The following TFCP2 variants were observed in gnomAD, a reference collection of about 807,000 sequenced individuals.
TFCP2 encodes the protein alpha-globin transcription factor CP2.
In TFCP2, 33 loss-of-function variants were observed where a neutral mutation model predicts 73.4. The ratio of observed to expected loss-of-function variants is 0.45; its 90% confidence interval spans 0.34 to 0.60. The LOEUF is 0.60. Ranked by LOEUF, TFCP2 falls within the 20% of genes least tolerant of loss-of-function variation. The pLI, the probability that TFCP2 is intolerant of heterozygous loss-of-function variation, is 0.01. For synonymous variants in TFCP2, 193 were observed against 211.6 expected, an observed-to-expected ratio of 0.91 and a Z score of 0.76; for missense variants, 352 against 604.0, an observed-to-expected ratio of 0.58 and a Z score of 4.37.
chr12:51,119,112 A>G (rs1485453627), intron 1 of TFCP2, among the ~76,000 whole-genome samples: 2 of 152,250 alleles, frequency 1.3e-5, no homozygotes, highest in African/African-American at 4.8e-5. Flanking sequence ...TCAGAAAGGC[A>G]ACAACTATAC....
intron 1 of TFCP2, among the ~76,000 whole-genome samples, chr12:51,119,373 T>TA (rs995254355): frequency 1.3e-5 from 2 of 152,224 alleles, no homozygotes; most frequent in African/African-American, 4.8e-5. Flanking sequence ...AGTGGGAATG[T>TA]AAAACCACAC....
chr12:51,122,754 T>C (rs370382104), intron 1 of TFCP2, among the ~76,000 whole-genome samples: 1 of 152,130 alleles, frequency 6.6e-6, no homozygotes, highest in Non-Finnish European at 1.5e-5. Context: ...TGTAGAAACA[T>C]AGAGTTTTCT....
intron 5 of TFCP2, among the ~76,000 whole-genome samples, chr12:51,109,714 AATT>A (rs767530616): frequency 0.031 from 2,613 of 83,928 alleles, 33 homozygotes; most frequent in Admixed American, 0.067. Flanking sequence ...AAGATTGGTG[AATT>A]TTTTTTTTTT....
At chr12:51,131,882 T>TA (rs1207907020) in intron 1 of TFCP2, among the ~76,000 whole-genome samples, 1 of 152,190 alleles carries the variant, frequency 6.6e-6, no homozygotes, top group African/African-American at 2.4e-5. Context: ...CAGCAGTAAA[T>TA]AATTGGTATA....
chr12:51,127,513 T>C (rs1940841570), intron 1 of TFCP2, among the ~76,000 whole-genome samples: 1 of 152,154 alleles, frequency 6.6e-6, no homozygotes. Flanking sequence ...AGAAGGAAGC[T>C]GAAGCTGAAG....
At chr12:51,169,546 A>G (rs1464355244) in intron 1 of TFCP2, among the ~76,000 whole-genome samples, 5 of 151,786 alleles carry the variant, frequency 3.3e-5, no homozygotes, top group Admixed American at 2.6e-4. Context: ...AGTACCTAAC[A>G]CATGAAAAAA....
At chr12:51,098,462 C>T (rs1352319152) in intron 13 of TFCP2, among the ~76,000 whole-genome samples, 1 of 106,188 alleles carries the variant, frequency 9.4e-6, no homozygotes, top group East Asian at 2.1e-4. Context: ...CCCATCTCTA[C>T]TAAAAATACA....
chr12:51,124,141 G>A (rs1425303299), intron 1 of TFCP2, among the ~76,000 whole-genome samples: 1 of 152,022 alleles, frequency 6.6e-6, no homozygotes, highest in Non-Finnish European at 1.5e-5. Context: ...TGTCACCCAG[G>A]ATGGGGTACA....
chr12:51,103,310 A>G (rs1378894095), intron 10 of TFCP2, among the ~76,000 whole-genome samples: 1 of 152,160 alleles, frequency 6.6e-6, no homozygotes, highest in Non-Finnish European at 1.5e-5. Flanking sequence ...AAGCTAAATA[A>G]AAGTGTATTG....
intron 1 of TFCP2, among the ~76,000 whole-genome samples, chr12:51,170,578 A>AC (rs1204202926): frequency 6.6e-6 from 1 of 150,510 alleles, no homozygotes; most frequent in South Asian, 2.1e-4. Context: ...TCCAGTCTCC[A>AC]CCCCCCAAAG....
chr12:51,122,679 T>C (rs1940713673), intron 1 of TFCP2, among the ~76,000 whole-genome samples: 1 of 152,236 alleles, frequency 6.6e-6, no homozygotes, highest in South Asian at 2.1e-4. Flanking sequence ...GGAATCCTTC[T>C]TCCTGTCCAT....
intron 1 of TFCP2, among the ~76,000 whole-genome samples, chr12:51,161,577 G>C (rs1372898033): frequency 2.0e-5 from 3 of 151,640 alleles, no homozygotes; most frequent in Middle Eastern, 3.4e-3. Flanking sequence ...CTATTCAGGA[G>C]GCTGAGACAG....
Position 51,107,279 on chromosome 12 carries a change from T to G in TFCP2, c.785A>C (p.Lys262Thr). 1 of 1,613,054 alleles carries G rather than the reference T, an allele frequency of 6.2e-7. No individual in the cohort carries two copies. Among genetic ancestry groups the G allele is most frequent in the Admixed American group, 1.7e-5 (1 of 59,678 alleles). The change falls in exon 7 of 15, where the codon AAG becomes ACG. Residue 262 changes from lysine (K) to threonine (T), a missense_variant. By Grantham distance (78) the Lys-to-Thr change is moderately conservative (BLOSUM62 -1). This residue lies in a region of TFCP2 where 47 missense variants were observed against 89.1 expected (regional missense o/e 0.53). Coordinates refer to ENST00000257915, the MANE Select transcript of TFCP2 (RefSeq NM_005653.5). ...CTCATAGGAAGGCTGATATTTCTCC[T>G]TTTCATGAGGTGTTCGTTTCTCCAT... ...EKMEKRTPHE[K>T]EKYQPSYETT...
chr12:51,157,686 C>CTTTTTTT (rs538061913), intron 1 of TFCP2, among the ~76,000 whole-genome samples: 31 of 96,086 alleles, frequency 3.2e-4, no homozygotes, highest in African/African-American at 1.0e-3. Flanking sequence ...CTTTTCTTTT[C>CTTTTTTT]TTTTTTTTTT....
chr12:51,133,921 CAAA>C (rs11320779), intron 1 of TFCP2, among the ~76,000 whole-genome samples: 7 of 97,042 alleles, frequency 7.2e-5, no homozygotes, highest in Non-Finnish European at 1.1e-4. Context: ...GACCCTGTCT[CAAA>C]AAAAAAAAAA....
Position 51,103,685 on chromosome 12 carries a change from A to G in TFCP2, c.1045T>C (p.Phe349Leu). 6.2e-7 allele frequency: 1 copy of G among 1,613,652 alleles called. No homozygotes were observed. Among genetic ancestry groups the G allele is most frequent in the Non-Finnish European group, 8.5e-7 (1 of 1,179,910 alleles). The change falls in exon 10 of 15, where the codon TTC becomes CTC. Residue 349 changes from phenylalanine (F) to leucine (L), a missense_variant. Coordinates refer to ENST00000257915, the MANE Select transcript of TFCP2 (RefSeq NM_005653.5). Reference sequence around the variant, plus strand: ...AAAATTTAACCTGAGAAGTTTGTGAAAAGCCTTGTGAATGTAGAAAAACGA... The same window carrying G: ...AAAATTTAACCTGAGAAGTTTGTGAGAAGCCTTGTGAATGTAGAAAAACGA... ...RNRFSTFTRL[F>L]TNFSGADLLK...
chr12:51,106,672 A>G (rs1214238732), intron 7 of TFCP2, 59 bp from the exon 8 acceptor site: 8 of 1,351,152 alleles, frequency 5.9e-6, no homozygotes, highest in Non-Finnish European at 1.0e-6. Flanking sequence ...GGATTTGACT[A>G]AAACATTGTT....
intron 1 of TFCP2, among the ~76,000 whole-genome samples, chr12:51,153,810 T>C (rs553083539): frequency 1.5e-4 from 23 of 152,368 alleles, no homozygotes; most frequent in African/African-American, 5.5e-4. Flanking sequence ...CTTCCACCTT[T>C]TGGCTGTTGT....
chr12:51,165,079 G>A (rs1941726505), intron 1 of TFCP2, among the ~76,000 whole-genome samples: 2 of 152,168 alleles, frequency 1.3e-5, no homozygotes. Flanking sequence ...TTCAGGCTGG[G>A]CATGGTGGCT....
Sources: allele counts gnomAD v4.1 joint callset (sites outside exome capture counted in the v4.1 genomes callset), GRCh38; gene constraint gnomAD v4.1.1; regional missense constraint gnomAD v4.1.1; transcripts MANE v1.5; gene names NCBI Gene and HGNC (gene_info 2026-07-23, HGNC 2026-07-21).